The following MGAT5 variants were observed in gnomAD, a reference collection of about 807,000 sequenced individuals.
MGAT5 encodes the protein alpha-1,6-mannosylglycoprotein 6-beta-N-acetylglucosaminyltransferase A.
Under a neutral mutation model 94.3 loss-of-function variants are expected in MGAT5, and 30 were observed. The observed-to-expected ratio is 0.32, with a 90% CI of 0.24 to 0.43. The LOEUF (loss-of-function observed/expected upper bound fraction) is 0.43. MGAT5 is among the 20% of genes least tolerant of loss of function. MGAT5 has a pLI of 1.00. For synonymous variants in MGAT5, 310 were observed against 322.9 expected (o/e 0.96, Z 0.43); for missense variants, 691 against 905.5 (o/e 0.76, Z 3.04).
intron 10 of MGAT5, among the ~76,000 whole-genome samples, chr2:134,369,162 C>G (rs898883481): frequency 9.2e-5 from 14 of 152,186 alleles, no homozygotes; most frequent in Non-Finnish European, 1.8e-4. Context: ...ATGAATCTCC[C>G]CTAAGTTTAG....
chr2:134,428,147 C>T (rs144411499), intron 13 of MGAT5, among the ~76,000 whole-genome samples: 3 of 152,354 alleles, frequency 2.0e-5, no homozygotes, highest in Admixed American at 1.3e-4. Flanking sequence ...CACCCTTTTA[C>T]ATATGAGGAA....
At chr2:134,239,909 C>A (rs1045019155) in intron 1 of MGAT5, among the ~76,000 whole-genome samples, 1 of 151,772 alleles carries the variant, frequency 6.6e-6, no homozygotes, top group African/African-American at 2.4e-5. Flanking sequence ...TTAGTGAGTC[C>A]ACTTTACTTC....
At chr2:134,306,894 G>T (rs1686360919) in intron 2 of MGAT5, among the ~76,000 whole-genome samples, 1 of 152,128 alleles carries the variant, frequency 6.6e-6, no homozygotes, top group Admixed American at 6.6e-5. Context: ...CTGAGGTTCA[G>T]TGTGGTCAAG....
rs1473889196 is a variant in MGAT5 at position 134,403,061 on chromosome 2, A to C, written c.1454A>C (p.Lys485Thr). 1 of 1,612,948 alleles carries C rather than the reference A, an allele frequency of 6.2e-7. No individual in the cohort carries two copies. Among genetic ancestry groups the C allele is most frequent in the Non-Finnish European group, 8.5e-7 (1 of 1,179,818 alleles). Residue 485 changes from lysine (K) to threonine (T), a missense_variant, in exon 11 of 16, where the codon AAG becomes ACG. Around this residue, in one of 4 missense-constraint regions of MGAT5, gnomAD observed 260 missense variants for 347.0 expected, o/e 0.75. Transcript: ENST00000281923. Reference protein sequence around the residue: ...VHATVYGSSTKNIPSYVKNHG... With the variant: ...VHATVYGSSTTNIPSYVKNHG... ...GCAACTGTTTATGGCTCCAGCACAA[A>C]GAATATTCCCAGTTACGTGAAAAAC...
At chr2:134,155,401 T>C (rs986200612) in intron 1 of MGAT5, among the ~76,000 whole-genome samples, 1 of 152,226 alleles carries the variant, frequency 6.6e-6, no homozygotes, top group Non-Finnish European at 1.5e-5. Context: ...GTTTCTGAAG[T>C]TGGTCTGATT....
chr2:134,180,298 C>G (rs1399007081), intron 1 of MGAT5, among the ~76,000 whole-genome samples: 1 of 152,142 alleles, frequency 6.6e-6, no homozygotes, highest in African/African-American at 2.4e-5. Context: ...ATCCAAGAAC[C>G]CTCTCTTGGG....
At chr2:134,212,583 A>G (rs1156542894) in intron 1 of MGAT5, among the ~76,000 whole-genome samples, 1 of 152,170 alleles carries the variant, frequency 6.6e-6, no homozygotes, top group Non-Finnish European at 1.5e-5. Flanking sequence ...TTTTAACATA[A>G]CAACATAAAA....
chr2:134,227,539 A>C (rs1161244679), intron 1 of MGAT5, among the ~76,000 whole-genome samples: 1 of 152,240 alleles, frequency 6.6e-6, no homozygotes, highest in Non-Finnish European at 1.5e-5. Flanking sequence ...AAAACAAATA[A>C]AAAATAATAC....
intron 9 of MGAT5, among the ~76,000 whole-genome samples, chr2:134,353,022 C>T (rs1402532200): frequency 2.0e-5 from 3 of 152,140 alleles, no homozygotes; most frequent in African/African-American, 7.2e-5. Flanking sequence ...AAGCAGAAAG[C>T]GGAAAGGTGG....
chr2:134,178,829 T>C (rs775170730), intron 1 of MGAT5, among the ~76,000 whole-genome samples: 14 of 152,234 alleles, frequency 9.2e-5, no homozygotes, highest in Non-Finnish European at 1.9e-4. Flanking sequence ...TATTTACATA[T>C]TTGACTCCCT....
intron 11 of MGAT5, 123 bp downstream of exon 11, chr2:134,403,260 G>C (rs1403312498): frequency 1.0e-6 from 1 of 998,780 alleles, no homozygotes; most frequent in African/African-American, 1.7e-5. Context: ...TGGGGCAGCA[G>C]TTTGCTAGAC....
intron 1 of MGAT5, among the ~76,000 whole-genome samples, chr2:134,234,176 G>A (rs1681513898): frequency 6.6e-6 from 1 of 152,198 alleles, no homozygotes. Context: ...ATGTGATGAA[G>A]TAGTTGGGGG....
intron 10 of MGAT5, among the ~76,000 whole-genome samples, chr2:134,371,182 G>A (rs1037402582): frequency 1.3e-5 from 2 of 152,184 alleles, no homozygotes; most frequent in Non-Finnish European, 2.9e-5. Context: ...TCTCATTTCC[G>A]TTGAGCCATT....
intron 10 of MGAT5, among the ~76,000 whole-genome samples, chr2:134,376,447 A>C (rs1269789960): frequency 6.6e-6 from 1 of 152,106 alleles, no homozygotes; most frequent in Non-Finnish European, 1.5e-5. Flanking sequence ...CTTATTCTTA[A>C]TGATAACGTT....
At position 134,387,330 on chromosome 2, in the gene MGAT5, A is replaced by ATTT. The variant is rs1273275881; in HGVS notation, c.1381-15657_1381-15656insTTT. ...TATATATATATATATATATATATAT[A>ATTT]TATTTTTTTTTTTTTTTTTTTTTAC... On this transcript the variant is annotated intron_variant, in intron 10 of 15. Transcript: ENST00000281923. Among the ~76,000 whole-genome samples the ATTT allele has an allele frequency of 5.8e-4, 23 of 39,350 alleles. 1 individual carries two copies. The highest frequency in any genetic ancestry group is 5.5e-3 in the South Asian group (4 of 722). The allele number at this position is 39,350 out of a possible 152,430, so 25.8% of individuals were successfully genotyped here.
intron 12 of MGAT5, among the ~76,000 whole-genome samples, chr2:134,416,518 G>C (rs1683982065): frequency 6.8e-6 from 1 of 146,986 alleles, no homozygotes; most frequent in African/African-American, 2.6e-5. Context: ...ACCCAGGCTG[G>C]AGGAGTGCAA....
intron 9 of MGAT5, among the ~76,000 whole-genome samples, chr2:134,353,890 A>C (rs1306202592): frequency 1.3e-5 from 2 of 152,060 alleles, no homozygotes; most frequent in African/African-American, 4.8e-5. Flanking sequence ...AATTTGCAAC[A>C]ACAAAAAAAA....
At chr2:134,364,191 A>C (rs991787104) in intron 10 of MGAT5, among the ~76,000 whole-genome samples, 1 of 152,090 alleles carries the variant, frequency 6.6e-6, no homozygotes, top group African/African-American at 2.4e-5. Context: ...TAAAAGGGTG[A>C]CTTTTCCATG....
chr2:134,354,212 A>T (rs1045148451), intron 9 of MGAT5, among the ~76,000 whole-genome samples: 1 of 152,196 alleles, frequency 6.6e-6, no homozygotes, highest in Non-Finnish European at 1.5e-5. Flanking sequence ...ATAAATATGC[A>T]CATATACTGA....
Sources: allele counts gnomAD v4.1 joint callset (sites outside exome capture counted in the v4.1 genomes callset), GRCh38; gene constraint gnomAD v4.1.1; regional missense constraint gnomAD v4.1.1; transcripts MANE v1.5; gene names NCBI Gene and HGNC (gene_info 2026-07-23, HGNC 2026-07-21).